Variants in RGPD2 observed in about 807,000 individuals in gnomAD.
The protein encoded by RGPD2 is RANBP2 like and GRIP domain containing 2, also known as RANBP2-like and GRIP domain-containing protein 2.
Under a neutral mutation model 36.0 loss-of-function variants are expected in RGPD2, and 2 were observed. The observed-to-expected ratio is 0.06, with a 90% confidence interval of 0.02 to 0.17. RGPD2 has a LOEUF of 0.17. Among genes scored for constraint, RGPD2 ranks in the 10% least tolerant of loss-of-function variants. The probability of loss-of-function intolerance (pLI) is 1.00; values close to 1 mark genes in which losing one functional copy is unlikely to be tolerated. For missense variants in RGPD2, 40 were observed against 464.3 expected (o/e 0.09, Z 8.40); for synonymous variants, 19 against 163.8 (o/e 0.12, Z 6.75).
At chr2:87,853,373 C>T in the RGPD2 span, among the ~76,000 whole-genome samples, 281 of 152,298 alleles carry the variant, frequency 1.8e-3, 2 homozygotes, top group Non-Finnish European at 1.1e-3. Flanking sequence ...CCTGTGTGTG[C>T]CACCACCCCT....
intron 6 of RGPD2, among the ~76,000 whole-genome samples, chr2:87,807,306 A>G (rs1685987832): frequency 6.9e-6 from 1 of 145,652 alleles, no homozygotes; most frequent in Non-Finnish European, 1.5e-5. Context: ...ATTATAAGTA[A>G]GTAACTGACA....
chr2:87,902,282 G>A, the RGPD2 span, among the ~76,000 whole-genome samples: 2 of 152,272 alleles, frequency 1.3e-5, no homozygotes, highest in African/African-American at 2.4e-5. Context: ...GGGATCTAGA[G>A]TTGGAAGAAC....
the RGPD2 span, chr2:87,972,719 C>G: frequency 1.2e-6 from 2 of 1,609,816 alleles, no homozygotes; most frequent in Non-Finnish European, 8.5e-7. Context: ...GGCGCCGCAA[C>G]AGCAGCTTCG....
At chr2:87,919,364 T>C in the RGPD2 span, among the ~76,000 whole-genome samples, 1 of 151,344 alleles carries the variant, frequency 6.6e-6, no homozygotes. Flanking sequence ...TGTCTTCTAT[T>C]CAAATGTAAC....
In RGPD2 at chr2:87,825,537, C is replaced by T. The variant is rs867689779; in HGVS notation, c.72+121G>A. On this transcript the variant is annotated intron_variant, in intron 1 of 22. Transcript: ENST00000398146. Reference sequence around the variant, plus strand: ...GGCCGCCGCCCGGCCGAGGCCGAGGCCGAGGCCGCCGCCCGGCCAGGTCGA... The same window carrying T: ...GGCCGCCGCCCGGCCGAGGCCGAGGTCGAGGCCGCCGCCCGGCCAGGTCGA... 2,103 of 590,558 alleles carry T rather than the reference C, an allele frequency of 3.6e-3. 450 individuals are homozygous for T. In the Admixed American group the frequency reaches 0.037, roughly 10 times the overall value. The allele number at this position is 590,558 out of a possible 1,614,324, so 36.6% of individuals were successfully genotyped here.
chr2:87,937,270 G>C, the RGPD2 span, among the ~76,000 whole-genome samples: 1 of 151,760 alleles, frequency 6.6e-6, no homozygotes, highest in South Asian at 2.1e-4. Flanking sequence ...GCAAAGTGAA[G>C]ATGTTTGAAT....
At chr2:87,978,967 G>A in the RGPD2 span, among the ~76,000 whole-genome samples, 1 of 150,890 alleles carries the variant, frequency 6.6e-6, no homozygotes, top group Non-Finnish European at 1.5e-5. Context: ...GGGCATGGTG[G>A]CTCACACCTG....
chr2:87,867,673 A>C, the RGPD2 span, among the ~76,000 whole-genome samples: 1 of 152,064 alleles, frequency 6.6e-6, no homozygotes, highest in South Asian at 2.1e-4. Context: ...TTTGAGTGTG[A>C]ATATAAGGCC....
chr2:87,988,768 C>T, the RGPD2 span, among the ~76,000 whole-genome samples: 8 of 151,544 alleles, frequency 5.3e-5, no homozygotes, highest in East Asian at 3.9e-4. Context: ...CTCGAACTAC[C>T]GACCTCAAGC....
At chr2:87,839,701 A>C in the RGPD2 span, among the ~76,000 whole-genome samples, 1 of 152,092 alleles carries the variant, frequency 6.6e-6, no homozygotes, top group South Asian at 2.1e-4. Flanking sequence ...ATTCTCACTT[A>C]TAGGTAGAAG....
At chr2:87,980,276 G>T in the RGPD2 span, among the ~76,000 whole-genome samples, 5 of 109,972 alleles carry the variant, frequency 4.5e-5, no homozygotes, top group African/African-American at 9.1e-5. Context: ...GCTTGAACCT[G>T]GGAGGCGGAG....
chr2:87,963,573 G>T, the RGPD2 span, among the ~76,000 whole-genome samples: 10 of 63,384 alleles, frequency 1.6e-4, no homozygotes, highest in African/African-American at 6.9e-4. Flanking sequence ...CCAGCTATTT[G>T]GGAGACTGAA....
At chr2:87,920,100 T>A in the RGPD2 span, among the ~76,000 whole-genome samples, 1 of 151,754 alleles carries the variant, frequency 6.6e-6, no homozygotes, top group African/African-American at 2.4e-5. Context: ...ACATCATGTA[T>A]ATATAATCAA....
chr2:87,934,711 C>T, the RGPD2 span, among the ~76,000 whole-genome samples: 32 of 148,600 alleles, frequency 2.2e-4, no homozygotes, highest in Admixed American at 5.4e-4. Flanking sequence ...AATGGTTTTA[C>T]GTATATTTCT....
the RGPD2 span, among the ~76,000 whole-genome samples, chr2:87,858,170 T>C: frequency 2.6e-5 from 4 of 152,016 alleles, no homozygotes; most frequent in African/African-American, 7.3e-5. Context: ...CCCAGCTACT[T>C]GGGAGGCTGA....
chr2:87,988,541 A>ATATTTTTTTT, the RGPD2 span, among the ~76,000 whole-genome samples: 1 of 54,142 alleles, frequency 1.8e-5, no homozygotes, highest in African/African-American at 4.4e-5. Context: ...ATATATATAT[A>ATATTTTTTTT]TTTTTTTTTT....
At chr2:87,983,586 G>A in the RGPD2 span, among the ~76,000 whole-genome samples, 2 of 126,030 alleles carry the variant, frequency 1.6e-5, no homozygotes, top group African/African-American at 5.9e-5. Context: ...ATTCCAGTTG[G>A]GGGAGGAGGG....
chr2:87,989,238 G>T, the RGPD2 span: 1 of 249,544 alleles, frequency 4.0e-6, no homozygotes, highest in Non-Finnish European at 7.3e-6. Flanking sequence ...CTTAAAAATA[G>T]CTGGTACAAG....
chr2:87,786,187 TTTAA>T (rs1231347623), intron 18 of RGPD2, among the ~76,000 whole-genome samples: 3 of 86,584 alleles, frequency 3.5e-5, no homozygotes, highest in African/African-American at 1.2e-4. Context: ...AAGTAGGGAC[TTTAA>T]TTGACTACTG....
Sources: allele counts gnomAD v4.1 joint callset (sites outside exome capture counted in the v4.1 genomes callset), GRCh38; gene constraint gnomAD v4.1.1; transcripts MANE v1.5; gene names NCBI Gene and HGNC (gene_info 2026-07-23, HGNC 2026-07-21).